Variants in ACBD5 observed in about 807,000 individuals in gnomAD.
ACBD5 encodes acyl-CoA-binding domain-containing protein 5.
Under a neutral mutation model 71.8 loss-of-function variants are expected in ACBD5, and 40 were observed. The observed-to-expected ratio is 0.56, with a 90% CI of 0.43 to 0.72. The LOEUF (loss-of-function observed/expected upper bound fraction) is 0.72. Ranked by LOEUF, ACBD5 falls within the 30% of genes least tolerant of loss-of-function variation. ACBD5 has a pLI of 0.00. For missense variants in ACBD5, 559 were observed against 644.5 expected, an observed-to-expected ratio of 0.87 and a Z score of 1.44; for synonymous variants, 229 against 218.6, an observed-to-expected ratio of 1.05 and a Z score of -0.42.
At chr10:27,192,830 C>T (rs192770852), downstream of ACBD5, among the ~76,000 whole-genome samples, 25 of 151,768 alleles carry the variant, frequency 1.6e-4, no homozygotes, top group Admixed American at 3.3e-4. Context: ...ATTAGCCGGG[C>T]GTGGTGGCGG....
At chr10:27,201,220 G>C (rs936451284) in intron 12 of ACBD5, among the ~76,000 whole-genome samples, 4 of 152,166 alleles carry the variant, frequency 2.6e-5, no homozygotes, top group Non-Finnish European at 5.9e-5. Flanking sequence ...AGACTTAACA[G>C]GTCTGCTTTC....
At chr10:27,193,356 G>A (rs1385877035), downstream of ACBD5, 3 of 151,418 alleles carry the variant, frequency 2.0e-5, no homozygotes, top group African/African-American at 7.3e-5. Context: ...AACCTGGGAG[G>A]CGGAGGTTGC....
Position 27,195,894 on chromosome 10 carries a change from G to C in ACBD5, c.*1536C>G, listed in dbSNP as rs1278685940. ...TGTTAAACCCAACATCATACATCTT[G>C]AGAATGCTTAAAAATTATTTGCTAC... On this transcript the variant is annotated 3_prime_UTR_variant, in exon 13 of 13. Coordinates refer to ENST00000396271, the MANE Select transcript of ACBD5 (RefSeq NM_145698.5). 2.2e-6 allele frequency: 1 copy of C among 453,374 alleles called. No homozygotes were observed. The highest frequency in any genetic ancestry group is 2.0e-5 in the African/African-American group (1 of 49,942). 28.1% of individuals were successfully genotyped at this position (453,374 alleles called of 1,614,324 possible). A position where few individuals can be genotyped will look rare whatever the true frequency, so the allele number is the denominator to read the frequency against.
intron 13 of ACBD5, among the ~76,000 whole-genome samples, chr10:27,184,714 CCA>C (rs2058562262): frequency 6.6e-6 from 1 of 151,882 alleles, no homozygotes; most frequent in Admixed American, 6.6e-5. Flanking sequence ...CTGCATCCCA[CCA>C]CACCTGGCTA....
At position 27,197,051 on chromosome 10, in the gene ACBD5, A is replaced by G. The variant is rs983630209; in HGVS notation, c.*379T>C. The G allele has an allele frequency of 2.2e-6, 1 of 444,532 alleles. No homozygotes were observed. The highest frequency in any genetic ancestry group is 4.4e-6 in the Non-Finnish European group (1 of 225,160). 27.5% of individuals were successfully genotyped at this position (444,532 alleles called of 1,614,324 possible). On this transcript the variant is annotated 3_prime_UTR_variant, in exon 13 of 13. Coordinates refer to ENST00000396271, the MANE Select transcript of ACBD5 (RefSeq NM_145698.5). ...TTTAGAAAATTAAAAATAATAACTT[A>G]TAAATTTGATCTCATTATCACAATG...
At chr10:27,237,859 C>T (rs142800302) in intron 2 of ACBD5, among the ~76,000 whole-genome samples, 4 of 152,110 alleles carry the variant, frequency 2.6e-5, no homozygotes, top group Admixed American at 1.3e-4. Context: ...GATCTCAGGG[C>T]CTGCCTCGAT....
At chr10:27,209,807 A>C (rs1342834539) in intron 9 of ACBD5, among the ~76,000 whole-genome samples, 1 of 152,228 alleles carries the variant, frequency 6.6e-6, no homozygotes, top group Non-Finnish European at 1.5e-5. Flanking sequence ...ATGAACACTT[A>C]TCTGCCTCAT....
chr10:27,210,406 A>G (rs997578662), intron 9 of ACBD5, among the ~76,000 whole-genome samples: 1 of 152,232 alleles, frequency 6.6e-6, no homozygotes, highest in Non-Finnish European at 1.5e-5. Context: ...TAAAGGAGGT[A>G]AATTTTGAGA....
At chr10:27,233,437 A>G (rs1254051371) in intron 3 of ACBD5, among the ~76,000 whole-genome samples, 1 of 151,818 alleles carries the variant, frequency 6.6e-6, no homozygotes, top group Non-Finnish European at 1.5e-5. Context: ...AGAAAAAAAA[A>G]AAAAAAAACT....
chr10:27,185,147 G>A (rs760254004), intron 13 of ACBD5, among the ~76,000 whole-genome samples: 34 of 152,188 alleles, frequency 2.2e-4, no homozygotes, highest in Non-Finnish European at 3.4e-4. Flanking sequence ...AAGAAAGGGA[G>A]AAGGGGGTGA....
chr10:27,189,828 A>G (rs1167266286), intron 13 of ACBD5, among the ~76,000 whole-genome samples: 1 of 151,794 alleles, frequency 6.6e-6, no homozygotes, highest in Non-Finnish European at 1.5e-5. Context: ...TGTTTATTGG[A>G]TGAATTTAGA....
chr10:27,188,775 C>T (rs978972625), intron 13 of ACBD5, among the ~76,000 whole-genome samples: 2 of 152,022 alleles, frequency 1.3e-5, no homozygotes, highest in African/African-American at 4.8e-5. Context: ...CAGACACTTG[C>T]TAGGGAAAAA....
Position 27,215,568 on chromosome 10 carries a change from G to A in ACBD5, c.903C>T (p.Tyr301=). ...GTCCAAATTGTTCCATAGAATCACAGTAAACTTCACTGTCTGAATCGCTTG... is the reference window on the plus strand; with the variant it reads ...GTCCAAATTGTTCCATAGAATCACAATAAACTTCACTGTCTGAATCGCTTG... ...HLTSDSDSEV[Y]CDSMEQFGQE... The change falls in exon 8 of 13, where the codon TAC becomes TAT. Residue 301 remains tyrosine (Y), a synonymous_variant. Coordinates refer to ENST00000396271, the MANE Select transcript of ACBD5 (RefSeq NM_145698.5). The A allele has an allele frequency of 1.9e-6, 3 of 1,613,420 alleles. No homozygotes were observed. The highest frequency in any genetic ancestry group is 2.5e-6 in the Non-Finnish European group (3 of 1,179,686).
chr10:27,219,067 C>T (rs1589195547), intron 6 of ACBD5, among the ~76,000 whole-genome samples: 1 of 151,948 alleles, frequency 6.6e-6, no homozygotes, highest in South Asian at 2.1e-4. Flanking sequence ...TTTGGGAGGC[C>T]GAGGTGAGCA....
chr10:27,222,715 C>T (rs1279691617), intron 5 of ACBD5, among the ~76,000 whole-genome samples: 2 of 151,962 alleles, frequency 1.3e-5, no homozygotes, highest in African/African-American at 4.8e-5. Context: ...GGATCACAGG[C>T]GTGTGCCACC....
chr10:27,233,686 C>G (rs983456536), intron 3 of ACBD5, among the ~76,000 whole-genome samples: 1 of 152,080 alleles, frequency 6.6e-6, no homozygotes, highest in African/African-American at 2.4e-5. Flanking sequence ...CCACTACACT[C>G]CAGCCTGAGT....
chr10:27,219,316 C>CAA (rs144230661), intron 6 of ACBD5, among the ~76,000 whole-genome samples: 76,561 of 149,708 alleles, frequency 0.51, 22,113 homozygotes, highest in Non-Finnish European at 0.66. Context: ...CATAAAAAAA[C>CAA]AAAAAAAAAA....
Position 27,210,872 on chromosome 10 carries a change from T to C in ACBD5, c.1146A>G (p.Pro382=). ...GEDGRNNSGA[P]HREKRGGETD... is the part of the protein sequence containing the mutation. The stretch of plus-strand genomic sequence containing the variant: ...TTTCTCCGCCTCGCTTCTCCCGGTG[T>C]GGTGCTCCGCTGTTATTCCTGCCAT... Residue 382 remains proline (P), a synonymous_variant, in exon 9 of 13, where the codon CCA becomes CCG. Transcript: ENST00000396271. 6.2e-7 allele frequency: 1 copy of C among 1,614,218 alleles called. No homozygotes were observed.
chr10:27,231,594 A>G (rs1419595743), intron 4 of ACBD5, among the ~76,000 whole-genome samples, 154 bp downstream of exon 4: 1 of 152,240 alleles, frequency 6.6e-6, no homozygotes, highest in Non-Finnish European at 1.5e-5. Flanking sequence ...ATGAACTTTA[A>G]TGAAGCAGAA....
Sources: gnomAD v4.1 joint callset for allele counts (sites outside exome capture counted in the v4.1 genomes callset) on GRCh38, gnomAD v4.1.1 for gene constraint, MANE v1.5 for transcripts, NCBI Gene and HGNC (gene_info 2026-07-23, HGNC 2026-07-21) for gene names.